DOCK10: variants seen among roughly 807,000 people sequenced by gnomAD.
DOCK10 encodes dedicator of cytokinesis protein 10.
In DOCK10, 145 loss-of-function variants were observed where a neutral mutation model predicts 280.1. The ratio of observed to expected loss-of-function variants is 0.52; its 90% CI spans 0.45 to 0.59. The LOEUF is 0.59. Among genes scored for constraint, DOCK10 ranks in the 20% least tolerant of loss-of-function variants. The pLI is 0.00. For synonymous variants in DOCK10, 915 were observed against 942.2 expected, an observed-to-expected ratio of 0.97 and a Z score of 0.53; for missense variants, 2,368 against 2,651.7, an observed-to-expected ratio of 0.89 and a Z score of 2.35.
intron 2 of DOCK10, among the ~76,000 whole-genome samples, chr2:224,921,675 G>A (rs1368722899): frequency 6.6e-6 from 1 of 152,182 alleles, no homozygotes; most frequent in Non-Finnish European, 1.5e-5. Flanking sequence ...AATATGTGCA[G>A]TTATTGCATA....
At chr2:224,947,493 C>T (rs113594037) in intron 1 of DOCK10, among the ~76,000 whole-genome samples, 1 of 152,104 alleles carries the variant, frequency 6.6e-6, no homozygotes, top group African/African-American at 2.4e-5. Flanking sequence ...GTTTAGAGAA[C>T]AAGAAGAAGA....
chr2:225,032,054 GC>G lies in DOCK10; in HGVS notation c.123+10197del, dbSNP rs1176331766. Among the ~76,000 whole-genome samples, 3 of 152,136 alleles carry G rather than the reference GC, an allele frequency of 2.0e-5. No homozygotes were observed. In the East Asian group the frequency reaches 5.8e-4, roughly 29 times the overall value. The stretch of plus-strand genomic sequence containing the variant: ...ATCATTGGGATCAAGTCTTCCAGGT[GC>G]TAAAATCAGATATCTTAATCAATAA... On this transcript the variant is annotated intron_variant, in intron 1 of 55. Transcript: ENST00000258390.
chr2:224,989,295 A>C (rs1706065036), intron 1 of DOCK10, among the ~76,000 whole-genome samples: 1 of 152,220 alleles, frequency 6.6e-6, no homozygotes, highest in Non-Finnish European at 1.5e-5. Context: ...TGATGGGAAG[A>C]AACATGGGGA....
In DOCK10 at chr2:224,886,317, C is replaced by T. The variant is rs1242662010; in HGVS notation, c.490-132G>A. ...TAAGCATGTTCAATTTCAAAACAAA[C>T]GTGACTCATTTTGACTAAAAGCCCT... is the stretch of plus-strand genomic sequence containing the variant. On this transcript the variant is annotated intron_variant, in intron 5 of 55. Transcript: ENST00000258390. 2.5e-5 allele frequency: 37 copies of T among 1,490,562 alleles called. 1 individual carries two copies. The highest frequency in any genetic ancestry group is 4.5e-5 in the East Asian group (2 of 44,138). 92.3% of individuals were successfully genotyped at this position (1,490,562 alleles called of 1,614,324 possible).
At chr2:224,961,412 CT>C (rs1704389827) in intron 1 of DOCK10, among the ~76,000 whole-genome samples, 1 of 119,382 alleles carries the variant, frequency 8.4e-6, no homozygotes, top group Non-Finnish European at 1.7e-5. Context: ...TTCTTTCTTT[CT>C]CTTTCTTTCT....
At chr2:224,910,715 T>A (rs779845915) in intron 3 of DOCK10, among the ~76,000 whole-genome samples, 4 of 152,220 alleles carry the variant, frequency 2.6e-5, no homozygotes, top group Non-Finnish European at 4.4e-5. Flanking sequence ...CATTTCCCAG[T>A]CTTAGCTCAG....
intron 4 of DOCK10, among the ~76,000 whole-genome samples, chr2:224,888,685 ATGTG>A (rs987936388): frequency 2.0e-5 from 3 of 151,470 alleles, no homozygotes; most frequent in East Asian, 1.9e-4. Flanking sequence ...GTGAATATAT[ATGTG>A]TGTATGTATA....
chr2:224,942,793 A>C (rs1703167921), intron 1 of DOCK10, among the ~76,000 whole-genome samples: 1 of 152,194 alleles, frequency 6.6e-6, no homozygotes, highest in South Asian at 2.1e-4. Context: ...TTTAAAGATA[A>C]GAGGATGAAT....
intron 31 of DOCK10, among the ~76,000 whole-genome samples, chr2:224,813,485 C>G (rs760520870): frequency 6.6e-6 from 1 of 152,090 alleles, no homozygotes; most frequent in Non-Finnish European, 1.5e-5. Flanking sequence ...CATGATCCAC[C>G]GCGCCCAATT....
intron 55 of DOCK10, among the ~76,000 whole-genome samples, chr2:224,767,634 T>A (rs1019226727): frequency 2.0e-5 from 3 of 152,180 alleles, no homozygotes; most frequent in Non-Finnish European, 4.4e-5. Flanking sequence ...TCTGTGGTCA[T>A]CAGACACTTC....
chr2:224,906,727 C>T (rs545479233), intron 3 of DOCK10, among the ~76,000 whole-genome samples: 3 of 152,256 alleles, frequency 2.0e-5, no homozygotes, highest in Admixed American at 6.5e-5. Context: ...GATCCGCCCG[C>T]CTTGGCCTCC....
At chr2:225,006,271 C>A (rs1689245538) in intron 1 of DOCK10, among the ~76,000 whole-genome samples, 1 of 152,034 alleles carries the variant, frequency 6.6e-6, no homozygotes, top group African/African-American at 2.4e-5. Context: ...CAATTCTTGT[C>A]TTTTTTAGAT....
intron 1 of DOCK10, among the ~76,000 whole-genome samples, chr2:224,953,223 T>C (rs917502760): frequency 3.9e-5 from 6 of 152,262 alleles, no homozygotes; most frequent in Non-Finnish European, 7.3e-5. Context: ...CCAAGTTTTT[T>C]AACCTGTTGA....
chr2:224,904,775 C>G (rs1248363066), intron 3 of DOCK10, among the ~76,000 whole-genome samples: 3 of 152,058 alleles, frequency 2.0e-5, no homozygotes, highest in Non-Finnish European at 2.9e-5. Flanking sequence ...GCATTTTGGT[C>G]AAAAGAATGG....
chr2:224,983,292 G>C (rs751548912), intron 1 of DOCK10: 1 of 156,284 alleles, frequency 6.4e-6, no homozygotes, highest in Non-Finnish European at 1.4e-5. Context: ...GAACCAAAGA[G>C]AGATGCTTAG....
chr2:224,932,546 C>G (rs1490882558), intron 1 of DOCK10, among the ~76,000 whole-genome samples: 3 of 152,162 alleles, frequency 2.0e-5, no homozygotes, highest in African/African-American at 4.8e-5. Context: ...TTTGATGAAG[C>G]ATTTATGCAA....
At chr2:224,963,996 CT>C (rs66476455) in intron 1 of DOCK10, among the ~76,000 whole-genome samples, 41,853 of 122,808 alleles carry the variant, frequency 0.34, 6,270 homozygotes, top group Middle Eastern at 0.39. Flanking sequence ...GTCTAAAATT[CT>C]TTTTTTTTTT....
chr2:224,855,178 C>T lies in DOCK10; in HGVS notation c.1809-136G>A, dbSNP rs953763486. On this transcript the variant is annotated intron_variant, in intron 15 of 55. Transcript: ENST00000258390. Reference sequence around the variant, plus strand: ...TTGTTAAGGGTAAACAGCAGACTCCCAAATAATCTTGTGAATGATTTTATT... The same window carrying T: ...TTGTTAAGGGTAAACAGCAGACTCCTAAATAATCTTGTGAATGATTTTATT... 4 of 449,820 alleles carry T rather than the reference C, an allele frequency of 8.9e-6. No homozygotes were observed. In the East Asian group the frequency reaches 1.4e-4, roughly 16 times the overall value. The allele number at this position is 449,820 out of a possible 1,614,324, so 27.9% of individuals were successfully genotyped here. A position where few individuals can be genotyped will look rare whatever the true frequency, so the allele number is the denominator to read the frequency against.
intron 1 of DOCK10, among the ~76,000 whole-genome samples, chr2:224,977,268 T>TC (rs1386203837): frequency 2.6e-5 from 4 of 152,238 alleles, no homozygotes; most frequent in African/African-American, 7.2e-5. Context: ...AAGTTTTTTT[T>TC]CACTTTTGAG....
Sources: allele counts gnomAD v4.1 joint callset (sites outside exome capture counted in the v4.1 genomes callset), GRCh38; gene constraint gnomAD v4.1.1; transcripts MANE v1.5; gene names NCBI Gene and HGNC (gene_info 2026-07-23, HGNC 2026-07-21).